Variants in EIF5B observed in about 807,000 individuals in gnomAD.
The protein encoded by EIF5B is eukaryotic translation initiation factor 5B.
A neutral mutation model predicts 147.5 loss-of-function variants in EIF5B; 47 were observed. That is an observed-to-expected ratio of 0.32 (90% confidence interval 0.25 to 0.41). The LOEUF (loss-of-function observed/expected upper bound fraction) is 0.41. Ranked by LOEUF, EIF5B falls within the 10% of genes least tolerant of loss-of-function variation. The pLI, the probability that EIF5B is intolerant of heterozygous loss-of-function variation, is 1.00. For synonymous variants in EIF5B, 455 were observed against 456.2 expected, an observed-to-expected ratio of 1.00 and a Z score of 0.03; for missense variants, 1,064 against 1,413.2, an observed-to-expected ratio of 0.75 and a Z score of 3.96.
chr2:99,381,870 C>T (rs939078843), intron 12 of EIF5B, among the ~76,000 whole-genome samples: 4 of 152,060 alleles, frequency 2.6e-5, no homozygotes, highest in African/African-American at 4.8e-5. Flanking sequence ...CCCTGCGATT[C>T]GTATCACCAC....
At chr2:99,362,323 T>G (rs548803841) in intron 4 of EIF5B, among the ~76,000 whole-genome samples, 22 of 152,316 alleles carry the variant, frequency 1.4e-4, no homozygotes, top group African/African-American at 5.3e-4. Context: ...AATTATAAAA[T>G]AAAAGTTCTA....
chr2:99,358,921 G>T (rs1343526263), intron 1 of EIF5B, among the ~76,000 whole-genome samples: 3 of 152,100 alleles, frequency 2.0e-5, no homozygotes, highest in Non-Finnish European at 4.4e-5. Flanking sequence ...TTACTTCAAG[G>T]CATTTAACAT....
intron 17 of EIF5B, among the ~76,000 whole-genome samples, chr2:99,391,237 C>G (rs1389946128): frequency 6.6e-6 from 1 of 152,150 alleles, no homozygotes; most frequent in African/African-American, 2.4e-5. Flanking sequence ...AGTGGATCAT[C>G]ATAATGGTCC....
chr2:99,396,730 G>C, intron 21 of EIF5B, 30 bp from the exon 22 acceptor site: 1 of 1,573,898 alleles, frequency 6.4e-7, no homozygotes, highest in East Asian at 2.2e-5. Context: ...GATTCTGTAA[G>C]CTTAAAATTC....
chr2:99,393,764 C>T (rs1373900999), intron 18 of EIF5B, among the ~76,000 whole-genome samples: 1 of 152,130 alleles, frequency 6.6e-6, no homozygotes, highest in African/African-American at 2.4e-5. Flanking sequence ...AGTGGACTTA[C>T]GTCCCTTCAG....
chr2:99,389,214 G>A (rs1445831431), intron 14 of EIF5B, among the ~76,000 whole-genome samples: 1 of 152,014 alleles, frequency 6.6e-6, no homozygotes, highest in Admixed American at 6.6e-5. Flanking sequence ...TTTCTTCTAT[G>A]CTCATTTATC....
In EIF5B at chr2:99,396,872, A is replaced by G; in HGVS notation, c.3367A>G (p.Thr1123Ala). 6.2e-7 allele frequency: 1 copy of G among 1,608,830 alleles called. No homozygotes were observed. The highest frequency in any genetic ancestry group is 2.2e-5 in the East Asian group (1 of 44,832). ...TVEAGQVKQG[T>A]PMCVPSKNFV... ...GGAAGCAGGTCAGGTGAAACAGGGGACACCCATGTGTGTCCCAAGCAAAAA... is the reference window on the plus strand; with the variant it reads ...GGAAGCAGGTCAGGTGAAACAGGGGGCACCCATGTGTGTCCCAAGCAAAAA... Residue 1123 changes from threonine (T) to alanine (A), a missense_variant, in exon 22 of 24, where the codon ACA becomes GCA. This residue lies in a region of EIF5B where 380 missense variants were observed against 715.6 expected (regional missense o/e 0.53). Coordinates refer to ENST00000289371, the MANE Select transcript of EIF5B (RefSeq NM_015904.4).
intron 1 of EIF5B, among the ~76,000 whole-genome samples, chr2:99,341,594 A>G (rs1303302625): frequency 1.3e-5 from 2 of 152,206 alleles, no homozygotes; most frequent in Non-Finnish European, 2.9e-5. Context: ...TTAGGTTAGA[A>G]TAGCAATTCT....
chr2:99,353,901 A>G (rs987123354), intron 1 of EIF5B, among the ~76,000 whole-genome samples: 1 of 152,230 alleles, frequency 6.6e-6, no homozygotes, highest in African/African-American at 2.4e-5. Flanking sequence ...ATGGAATGGA[A>G]ATGAACCACT....
rs1218434340 is a variant in EIF5B, at chr2:99,398,831, A to G, written c.3477A>G (p.Val1159=). ...DVAKKGQEVC[V]KIEPIPGESP... ...CAAAAAAAGGACAAGAAGTTTGTGT[A>G]AAAATAGAACCTATCCCTGGTGAGT... Residue 1159 remains valine (V), a synonymous_variant, in exon 23 of 24, where the codon GTA becomes GTG. Coordinates refer to ENST00000289371, the MANE Select transcript of EIF5B (RefSeq NM_015904.4). The G allele has an allele frequency of 1.2e-6, 2 of 1,614,212 alleles. No homozygotes were observed. Among genetic ancestry groups the G allele is most frequent in the Non-Finnish European group, 8.5e-7 (1 of 1,180,024 alleles).
chr2:99,371,673 G>A lies in EIF5B; in HGVS notation c.1495G>A (p.Glu499Lys). Residue 499 changes from glutamate to lysine, a missense_variant, in exon 9 of 24, where the codon GAG (glutamate) becomes AAG (lysine). By Grantham distance (56) the Glu-to-Lys change is moderately conservative. This residue lies in a region of EIF5B where 195 missense variants were observed against 186.3 expected (regional missense o/e 1.05). Coordinates refer to ENST00000289371, the MANE Select transcript of EIF5B (RefSeq NM_015904.4). Reference protein sequence around the residue: ...PVEPEEEEDTEDAGLDDWEAM... With the variant: ...PVEPEEEEDTKDAGLDDWEAM... The stretch of plus-strand genomic sequence containing the variant: ...ACTTACAGAAGAAGAAGAAGATACT[G>A]AGGATGCTGGATTGGATGATTGGGA... 1 of 1,612,726 alleles carries A rather than the reference G, an allele frequency of 6.2e-7. No individual in the cohort carries two copies. The highest frequency in any genetic ancestry group is 8.5e-7 in the Non-Finnish European group (1 of 1,179,360).
intron 1 of EIF5B, among the ~76,000 whole-genome samples, chr2:99,352,525 CTTT>C (rs1163069277): frequency 3.9e-5 from 5 of 128,118 alleles, no homozygotes; most frequent in Non-Finnish European, 5.0e-5. Flanking sequence ...CTAATTGTGT[CTTT>C]TTTTTTTTTT....
At chr2:99,363,958 T>C in intron 5 of EIF5B, 96 bp downstream of exon 5, 1 of 1,292,120 alleles carries the variant, frequency 7.7e-7, no homozygotes. Flanking sequence ...GAAAATTTCA[T>C]AGTTGCATGG....
rs1418697818 is a variant in EIF5B at position 99,394,797 on chromosome 2, T to A, written c.3168T>A (p.Ile1056=). 1 of 1,613,454 alleles carries A rather than the reference T, an allele frequency of 6.2e-7. No individual in the cohort carries two copies. Among genetic ancestry groups the A allele is most frequent in the South Asian group, 1.1e-5 (1 of 90,716 alleles). ...TGGCTGATAGTTTAGGAGTTAGAAT[T>A]TTTAGTGCAGAAATTATTTATCATT... ...QEMADSLGVR[I]FSAEIIYHLF... The change falls in exon 21 of 24, where the codon ATT becomes ATA. Residue 1056 remains isoleucine, a synonymous_variant. Transcript: ENST00000289371.
At chr2:99,378,940 C>G in intron 10 of EIF5B, 79 bp from the exon 11 acceptor site, 1 of 1,171,106 alleles carries the variant, frequency 8.5e-7, no homozygotes, top group Non-Finnish European at 1.2e-6. Flanking sequence ...ATTCTTTTGC[C>G]AAGGCAAAAC....
At chr2:99,369,749 G>C (rs1674404594) in intron 8 of EIF5B, among the ~76,000 whole-genome samples, 1 of 152,210 alleles carries the variant, frequency 6.6e-6, no homozygotes, top group Non-Finnish European at 1.5e-5. Flanking sequence ...GGGTGAGGCA[G>C]ATGGATCACG....
chr2:99,368,307 G>A (rs182035524), intron 6 of EIF5B, among the ~76,000 whole-genome samples, 186 bp from the exon 7 acceptor site: 4 of 152,280 alleles, frequency 2.6e-5, no homozygotes, highest in South Asian at 2.1e-4. Context: ...TATGTGAAAC[G>A]AGGATTTTTA....
rs149625769 is a variant in EIF5B at position 99,346,048 on chromosome 2, A to G, written c.35+8459A>G. On this transcript the variant is annotated intron_variant, in intron 1 of 23. Coordinates refer to ENST00000289371, the MANE Select transcript of EIF5B (RefSeq NM_015904.4). Reference sequence around the variant, plus strand: ...GCAAATAGGCATATGCACAGATAATACAGAGTGAAGTGCTGAAGGGAGAAA... The same window carrying G: ...GCAAATAGGCATATGCACAGATAATGCAGAGTGAAGTGCTGAAGGGAGAAA... Among the ~76,000 whole-genome samples the G allele has an allele frequency of 2.0e-5, 3 of 152,324 alleles. No homozygotes were observed. In the East Asian group the frequency reaches 5.8e-4, roughly 29 times the overall value.
chr2:99,394,556 G>A lies in EIF5B; in HGVS notation c.3060G>A (p.Lys1020=). The change falls in exon 20 of 24, where the codon AAG becomes AAA. Residue 1020 remains lysine (K), a synonymous_variant. Transcript: ENST00000289371. ...IGPVHKKDVM[K]ASVMLEHDPQ... ...CAGTGCATAAAAAAGATGTTATGAAGGCTTCAGTGATGTTGGAACATGACC... is the reference window on the plus strand; with the variant it reads ...CAGTGCATAAAAAAGATGTTATGAAAGCTTCAGTGATGTTGGAACATGACC... 8.7e-6 allele frequency: 14 copies of A among 1,614,152 alleles called. 1 individual carries two copies. The highest frequency in any genetic ancestry group is 1.2e-5 in the Non-Finnish European group (14 of 1,180,036).
Sources: allele counts gnomAD v4.1 joint callset (sites outside exome capture counted in the v4.1 genomes callset), GRCh38; gene constraint gnomAD v4.1.1; regional missense constraint gnomAD v4.1.1; transcripts MANE v1.5; gene names NCBI Gene and HGNC (gene_info 2026-07-23, HGNC 2026-07-21).